ABCC4: variants seen among roughly 807,000 people sequenced by gnomAD.
The protein encoded by ABCC4 is ATP-binding cassette sub-family C member 4.
ABCC4 carries 102 observed loss-of-function variants against 168.5 expected under a neutral mutation model. The observed-to-expected ratio is 0.61, with a 90% CI of 0.52 to 0.71. The LOEUF is 0.71. Ranked by LOEUF, ABCC4 falls within the 30% of genes least tolerant of loss-of-function variation. The probability of loss-of-function intolerance (pLI) is 0.00; values close to 1 mark genes in which losing one functional copy is unlikely to be tolerated. For synonymous variants in ABCC4, 617 were observed against 590.7 expected, an observed-to-expected ratio of 1.04 and a Z score of -0.65; for missense variants, 1,402 against 1,605.8, an observed-to-expected ratio of 0.87 and a Z score of 2.17.
intron 19 of ABCC4, among the ~76,000 whole-genome samples, chr13:95,151,047 G>A (rs1353581848): frequency 6.6e-6 from 1 of 152,158 alleles, no homozygotes; most frequent in Non-Finnish European, 1.5e-5. Flanking sequence ...GAATTATGAA[G>A]AAGACATATC....
In ABCC4 at chr13:95,206,052, T is replaced by C. The variant is rs191544632; in HGVS notation, c.1161+480A>G. Among the ~76,000 whole-genome samples, 514 of 152,206 alleles carry C rather than the reference T, an allele frequency of 3.4e-3. 2 individuals carry two copies. The highest frequency in any genetic ancestry group is 0.017 in the Middle Eastern group (5 of 294). ...TGCACAGAAATTAACAAGGAAAACA[T>C]CTACAGAGGAAAGAACTTATTTTCA... On this transcript the variant is annotated intron_variant, in intron 8 of 30. Transcript: ENST00000645237.
chr13:95,278,806 GAAAAAAAAAAAAAAA>G (rs71113905), intron 1 of ABCC4, among the ~76,000 whole-genome samples: 5 of 34,344 alleles, frequency 1.5e-4, no homozygotes, highest in African/African-American at 7.4e-4. Context: ...CCCTGTCTCG[GAAAAAAAAAAAAAAA>G]AAAAAAAAAA....
intron 21 of ABCC4, among the ~76,000 whole-genome samples, chr13:95,077,575 C>T (rs1186931930): frequency 6.6e-6 from 1 of 151,784 alleles, no homozygotes; most frequent in African/African-American, 2.4e-5. Flanking sequence ...TGGGCTCCAG[C>T]AATCAGGCTG....
intron 20 of ABCC4, among the ~76,000 whole-genome samples, chr13:95,095,291 TATC>T (rs2034556130): frequency 2.2e-5 from 2 of 89,922 alleles, no homozygotes; most frequent in Non-Finnish European, 4.6e-5. Context: ...TGAGATTATC[TATC>T]TATCTATCTA....
intron 8 of ABCC4, among the ~76,000 whole-genome samples, chr13:95,197,519 C>T (rs1423643862): frequency 6.6e-6 from 1 of 152,322 alleles, no homozygotes; most frequent in South Asian, 2.1e-4. Context: ...CCACTCAACA[C>T]ATGAACGGCT....
intron 29 of ABCC4, among the ~76,000 whole-genome samples, chr13:95,041,681 A>AAAAC (rs1306989671): frequency 6.6e-6 from 1 of 152,216 alleles, no homozygotes; most frequent in Non-Finnish European, 1.5e-5. Flanking sequence ...ACAAGGGGAA[A>AAAAC]AAACAAACAA....
intron 20 of ABCC4, among the ~76,000 whole-genome samples, chr13:95,103,325 A>G (rs1025944040): frequency 2.0e-5 from 3 of 152,210 alleles, no homozygotes; most frequent in African/African-American, 7.2e-5. Context: ...AACCAAGAGC[A>G]CTTGCAAAGG....
intron 14 of ABCC4, 58 bp downstream of exon 14, chr13:95,170,474 A>G: frequency 1.0e-6 from 1 of 973,372 alleles, no homozygotes; most frequent in Non-Finnish European, 1.6e-6. Flanking sequence ...AGGAAGAAGA[A>G]GGGGATTCAA....
intron 19 of ABCC4, among the ~76,000 whole-genome samples, chr13:95,153,513 T>C (rs780354183): frequency 2.0e-5 from 3 of 152,154 alleles, no homozygotes; most frequent in African/African-American, 4.8e-5. Context: ...CATGCAGGTA[T>C]CACATTATAT....
chr13:95,052,500 GA>G (rs1374812033), intron 27 of ABCC4, among the ~76,000 whole-genome samples: 1 of 152,030 alleles, frequency 6.6e-6, no homozygotes, highest in African/African-American at 2.4e-5. Context: ...GGCCCAACAG[GA>G]ACCACATAAA....
chr13:95,244,205 A>G (rs1165108647), intron 3 of ABCC4, among the ~76,000 whole-genome samples: 1 of 152,086 alleles, frequency 6.6e-6, no homozygotes, highest in Non-Finnish European at 1.5e-5. Flanking sequence ...CGCTCCTGAG[A>G]CTGAATCTGG....
At chr13:95,228,688 C>T (rs1187558433) in intron 4 of ABCC4, among the ~76,000 whole-genome samples, 1 of 151,354 alleles carries the variant, frequency 6.6e-6, no homozygotes, top group Non-Finnish European at 1.5e-5. Context: ...CACTTGAACC[C>T]GGGAGGCGGA....
chr13:95,285,376 C>A (rs1158925802), intron 1 of ABCC4, among the ~76,000 whole-genome samples: 1 of 151,990 alleles, frequency 6.6e-6, no homozygotes, highest in Non-Finnish European at 1.5e-5. Context: ...CATGGTGAAA[C>A]CCCATCTCTA....
chr13:95,159,967 C>T (rs2037037522), intron 19 of ABCC4, among the ~76,000 whole-genome samples: 1 of 152,138 alleles, frequency 6.6e-6, no homozygotes, highest in Non-Finnish European at 1.5e-5. Flanking sequence ...GTTGCTACAC[C>T]CAGTTTCATG....
rs758430364 is a variant in ABCC4 at position 95,206,789 on chromosome 13, A to G, written c.912-8T>C. 2.5e-6 allele frequency: 4 copies of G among 1,613,734 alleles called. No homozygotes were observed. Among genetic ancestry groups the G allele is most frequent in the East Asian group, 4.5e-5 (2 of 44,866 alleles). On this transcript the variant is annotated splice_region_variant and splice_polypyrimidine_tract_variant and intron_variant, in intron 7 of 30. Transcript: ENST00000645237. ...ATCTTGGAAATCTCCTTCCTGAAAGAGAGTACAGGTTTTTAAAAAAGCAGT... is the reference window on the plus strand; with the variant it reads ...ATCTTGGAAATCTCCTTCCTGAAAGGGAGTACAGGTTTTTAAAAAAGCAGT...
chr13:95,187,920 T>C (rs1447974771), intron 10 of ABCC4, among the ~76,000 whole-genome samples: 1 of 152,184 alleles, frequency 6.6e-6, no homozygotes, highest in African/African-American at 2.4e-5. Context: ...TGTATATCTG[T>C]CTCACCCCAG....
intron 30 of ABCC4, among the ~76,000 whole-genome samples, chr13:95,026,510 C>T (rs1362323639): frequency 1.3e-5 from 2 of 151,994 alleles, no homozygotes; most frequent in Admixed American, 6.5e-5. Context: ...AAGTAAACTT[C>T]CAGAAAAAAA....
At chr13:95,070,258 T>C (rs1055884399) in intron 25 of ABCC4, among the ~76,000 whole-genome samples, 1 of 151,904 alleles carries the variant, frequency 6.6e-6, no homozygotes, top group Non-Finnish European at 1.5e-5. Flanking sequence ...AAAGAATCTA[T>C]AAGATGATGT....
intron 1 of ABCC4, among the ~76,000 whole-genome samples, chr13:95,271,849 G>A (rs1395251633): frequency 1.3e-5 from 2 of 152,172 alleles, no homozygotes; most frequent in Admixed American, 1.3e-4. Flanking sequence ...GAAAACAGAC[G>A]GGACTCAATC....
Sources: gnomAD v4.1 joint callset for allele counts (sites outside exome capture counted in the v4.1 genomes callset) on GRCh38, gnomAD v4.1.1 for gene constraint, MANE v1.5 for transcripts, NCBI Gene and HGNC (gene_info 2026-07-23, HGNC 2026-07-21) for gene names.